The following DCC variants were observed in gnomAD, a reference collection of about 807,000 sequenced individuals.
The protein encoded by DCC is DCC netrin 1 receptor, also known as netrin receptor DCC.
In DCC, 58 loss-of-function variants were observed where a neutral mutation model predicts 172.5. The observed-to-expected ratio is 0.34, with a 90% CI of 0.27 to 0.42. The LOEUF (loss-of-function observed/expected upper bound fraction) is 0.42, where lower values mean the gene tolerates loss of function less well. Among genes scored for constraint, DCC ranks in the 10% least tolerant of loss-of-function variants. DCC has a pLI of 1.00. For synonymous variants in DCC, 709 were observed against 644.5 expected, an observed-to-expected ratio of 1.10 and a Z score of -1.52; for missense variants, 1,740 against 1,791.0, an observed-to-expected ratio of 0.97 and a Z score of 0.51.
chr18:53,368,870 G>A (rs747169259), intron 15 of DCC, among the ~76,000 whole-genome samples: 7 of 151,888 alleles, frequency 4.6e-5, no homozygotes, highest in African/African-American at 1.4e-4. Flanking sequence ...AAATCAAAAA[G>A]TATGCGTCTT....
intron 1 of DCC, among the ~76,000 whole-genome samples, chr18:52,601,351 C>CT (rs894960356): frequency 7.9e-5 from 12 of 151,870 alleles, no homozygotes; most frequent in South Asian, 4.2e-4. Flanking sequence ...GTAGTTTACA[C>CT]TTTTTTTTCC....
chr18:52,659,207 A>G (rs891363024), intron 1 of DCC, among the ~76,000 whole-genome samples: 1 of 152,208 alleles, frequency 6.6e-6, no homozygotes, highest in African/African-American at 2.4e-5. Context: ...AGATTTATCC[A>G]TGATGTAATT....
chr18:52,501,265 G>A (rs1360850894), intron 1 of DCC, among the ~76,000 whole-genome samples: 1 of 152,116 alleles, frequency 6.6e-6, no homozygotes. Context: ...ATTAAAGATG[G>A]AGCAGGTATC....
intron 1 of DCC, among the ~76,000 whole-genome samples, chr18:52,720,222 C>T (rs1053693090): frequency 6.6e-6 from 1 of 152,126 alleles, no homozygotes; most frequent in Non-Finnish European, 1.5e-5. Flanking sequence ...TGTAGAGCTC[C>T]ATCATCCATA....
intron 3 of DCC, among the ~76,000 whole-genome samples, chr18:52,921,708 T>A (rs1447837203): frequency 5.4e-5 from 3 of 55,164 alleles, no homozygotes; most frequent in African/African-American, 1.1e-4. Context: ...AAAATAAAAA[T>A]AATAATAATA....
In DCC at chr18:53,450,682, C is replaced by A; in HGVS notation, c.3392+20C>A. On this transcript the variant is annotated intron_variant, in intron 23 of 28. Transcript: ENST00000442544. ...GAGAAAGTAGGTAACAGCTGGTTCC[C>A]AAGAGGAAAGAAGTCATTGTCTTTT... 6.3e-7 allele frequency: 1 copy of A among 1,598,716 alleles called. No individual in the cohort carries two copies. Among genetic ancestry groups the A allele is most frequent in the Non-Finnish European group, 8.6e-7 (1 of 1,166,410 alleles).
chr18:52,446,518 A>G (rs1988128527), intron 1 of DCC, among the ~76,000 whole-genome samples: 2 of 152,152 alleles, frequency 1.3e-5, no homozygotes, highest in Admixed American at 1.3e-4. Context: ...TGACCCTTCT[A>G]TATAAATGCA....
At chr18:52,731,268 A>G (rs2082574964) in intron 1 of DCC, among the ~76,000 whole-genome samples, 1 of 152,242 alleles carries the variant, frequency 6.6e-6, no homozygotes, top group African/African-American at 2.4e-5. Context: ...TTGGGAGGTG[A>G]GAGAACAAAA....
intron 3 of DCC, among the ~76,000 whole-genome samples, chr18:52,910,005 TTC>T (rs1349514672): frequency 6.6e-6 from 1 of 152,086 alleles, no homozygotes; most frequent in Non-Finnish European, 1.5e-5. Context: ...ACTGTATATA[TTC>T]TGTTTGACTG....
chr18:52,417,007 G>C (rs1054104013), intron 1 of DCC, among the ~76,000 whole-genome samples: 2 of 152,138 alleles, frequency 1.3e-5, no homozygotes. Context: ...GCAGTGGCTG[G>C]TACCGGTTGT....
At chr18:52,989,315 G>A (rs2041344953) in intron 5 of DCC, among the ~76,000 whole-genome samples, 1 of 152,116 alleles carries the variant, frequency 6.6e-6, no homozygotes, top group Non-Finnish European at 1.5e-5. Context: ...TTGAGGTCAG[G>A]AGTTCAAGAC....
At chr18:53,145,244 G>A (rs2043893569) in intron 7 of DCC, among the ~76,000 whole-genome samples, 1 of 150,462 alleles carries the variant, frequency 6.6e-6, no homozygotes, top group African/African-American at 2.4e-5. Context: ...CTCCCTAGTA[G>A]CTGGGACTAC....
intron 12 of DCC, among the ~76,000 whole-genome samples, chr18:53,295,374 G>A (rs547240387): frequency 6.6e-6 from 1 of 151,842 alleles, no homozygotes; most frequent in African/African-American, 2.4e-5. Flanking sequence ...ATCCATGCTG[G>A]GTTGGTAAAA....
intron 12 of DCC, among the ~76,000 whole-genome samples, chr18:53,283,352 C>G (rs1568410920): frequency 6.6e-6 from 1 of 152,028 alleles, no homozygotes; most frequent in African/African-American, 2.4e-5. Context: ...AAGAAGGACT[C>G]ATTTTCTTCA....
intron 27 of DCC, among the ~76,000 whole-genome samples, chr18:53,526,069 C>A (rs751579602): frequency 2.0e-5 from 3 of 151,430 alleles, no homozygotes; most frequent in African/African-American, 4.9e-5. Context: ...AAAAGCCATA[C>A]AAAAAAAACC....
At chr18:53,094,731 C>T (rs2043061201) in intron 7 of DCC, among the ~76,000 whole-genome samples, 2 of 152,096 alleles carry the variant, frequency 1.3e-5, no homozygotes, top group Non-Finnish European at 2.9e-5. Flanking sequence ...CTGAATGTCT[C>T]CAGTGATTGC....
chr18:53,386,284 G>A (rs1035452622), intron 16 of DCC, 146 bp downstream of exon 16: 2 of 680,740 alleles, frequency 2.9e-6, no homozygotes, highest in South Asian at 3.3e-5. Context: ...TATCCTCTGA[G>A]TCTGATAAGT....
At chr18:52,774,717 C>A (rs1022347375) in intron 2 of DCC, among the ~76,000 whole-genome samples, 1 of 151,962 alleles carries the variant, frequency 6.6e-6, no homozygotes, top group South Asian at 2.1e-4. Context: ...TTTTCTCCAG[C>A]CCCACTCATG....
intron 5 of DCC, among the ~76,000 whole-genome samples, chr18:53,022,852 CAA>C (rs2041900711): frequency 6.6e-6 from 1 of 151,906 alleles, no homozygotes; most frequent in Non-Finnish European, 1.5e-5. Context: ...AAAAATCAAA[CAA>C]TAATAAGTTT....
Sources: gnomAD v4.1 joint callset for allele counts (sites outside exome capture counted in the v4.1 genomes callset) on GRCh38, gnomAD v4.1.1 for gene constraint, MANE v1.5 for transcripts, NCBI Gene and HGNC (gene_info 2026-07-23, HGNC 2026-07-21) for gene names.